Variants in MLIP observed in about 807,000 individuals in gnomAD.
The protein encoded by MLIP is muscular LMNA interacting protein.
Under a neutral mutation model 84.8 loss-of-function variants are expected in MLIP, and 79 were observed. The ratio of observed to expected loss-of-function variants is 0.93; its 90% CI spans 0.78 to 1.12. The LOEUF (loss-of-function observed/expected upper bound fraction) is 1.12, where lower values mean the gene tolerates loss of function less well. MLIP is among the 50% of genes most tolerant of loss of function. The pLI is 0.00. For missense variants in MLIP, 1,257 were observed against 1,160.6 expected (o/e 1.08, Z -1.21); for synonymous variants, 504 against 463.0 (o/e 1.09, Z -1.14).
At chr6:54,058,886 A>G (rs1206018943) in intron 1 of MLIP, 1 of 152,196 alleles carries the variant, frequency 6.6e-6, no homozygotes, top group Admixed American at 6.5e-5. Context: ...AAGGAGGAAA[A>G]GAAGGTAAGA....
chr6:54,140,331 A>G (rs1404177064), intron 4 of MLIP, among the ~76,000 whole-genome samples: 1 of 152,196 alleles, frequency 6.6e-6, no homozygotes, highest in Non-Finnish European at 1.5e-5. Context: ...TTAAAGGCAT[A>G]TTTATTGAAG....
chr6:54,103,524 C>T (rs1768798882), intron 1 of MLIP, among the ~76,000 whole-genome samples: 2 of 152,178 alleles, frequency 1.3e-5, no homozygotes, highest in South Asian at 2.1e-4. Context: ...GATACCACAT[C>T]GGTGCTCTCT....
intron 11 of MLIP, among the ~76,000 whole-genome samples, chr6:54,222,637 T>C (rs1236209521): frequency 6.6e-6 from 1 of 152,058 alleles, no homozygotes; most frequent in Non-Finnish European, 1.5e-5. Context: ...TCAATACACA[T>C]CTAGTTTATT....
intron 5 of MLIP, among the ~76,000 whole-genome samples, chr6:54,151,092 T>C (rs1225404253): frequency 1.3e-5 from 2 of 152,130 alleles, no homozygotes; most frequent in Non-Finnish European, 2.9e-5. Flanking sequence ...TGTAGGTTGT[T>C]GTCTCTTGGC....
intron 3 of MLIP, among the ~76,000 whole-genome samples, chr6:54,132,331 T>A (rs1771449604): frequency 6.6e-6 from 1 of 152,138 alleles, no homozygotes; most frequent in Admixed American, 6.6e-5. Context: ...TTAAAAAGGA[T>A]AAGTACATAG....
chr6:54,058,194 G>T (rs371013729), intron 1 of MLIP, among the ~76,000 whole-genome samples: 3,839 of 152,196 alleles, frequency 0.025, 75 homozygotes, highest in Middle Eastern at 0.088. Context: ...GAATGGAAAT[G>T]CTGTGTTTAT....
At chr6:54,217,944 G>T (rs1349516329) in intron 11 of MLIP, 13 of 985,322 alleles carry the variant, frequency 1.3e-5, no homozygotes, top group Non-Finnish European at 1.6e-5. Flanking sequence ...ATTCGCTGGG[G>T]TGGAAGTAGG....
intron 10 of MLIP, among the ~76,000 whole-genome samples, chr6:54,199,291 C>T (rs898626179): frequency 2.6e-5 from 4 of 152,074 alleles, no homozygotes; most frequent in African/African-American, 9.7e-5. Context: ...GATGATCACA[C>T]CAAACATGGA....
chr6:54,048,620 G>A (rs1765205526), intron 1 of MLIP, among the ~76,000 whole-genome samples: 2 of 152,146 alleles, frequency 1.3e-5, no homozygotes, highest in Non-Finnish European at 2.9e-5. Flanking sequence ...TATTGGGGAG[G>A]AGCTAAAACG....
At chr6:54,176,958 T>G (rs1776349905) in intron 9 of MLIP, among the ~76,000 whole-genome samples, 1 of 152,026 alleles carries the variant, frequency 6.6e-6, no homozygotes, top group South Asian at 2.1e-4. Context: ...GGGAAAATAT[T>G]CCCTATTTAA....
intron 1 of MLIP, among the ~76,000 whole-genome samples, chr6:54,027,313 A>AT (rs1450868986): frequency 6.6e-6 from 1 of 151,864 alleles, no homozygotes; most frequent in African/African-American, 2.4e-5. Context: ...AAAGCATTAT[A>AT]TTTTCTCACA....
chr6:54,237,503 A>G (rs1781445011), intron 12 of MLIP, among the ~76,000 whole-genome samples: 1 of 152,006 alleles, frequency 6.6e-6, no homozygotes, highest in Admixed American at 6.6e-5. Context: ...ATATTCATGA[A>G]ATTTTATGTT....
rs531658532 is a variant in MLIP, at chr6:54,134,461, TA to T, written c.646-2249del. Reference sequence around the variant, plus strand: ...TTATTAATATATTAAGAAAATATAATAAAAATTATGTGCAGATTAATATAAA... The same window carrying T: ...TTATTAATATATTAAGAAAATATAATAAAATTATGTGCAGATTAATATAAA... On this transcript the variant is annotated intron_variant, in intron 3 of 13. Coordinates refer to ENST00000502396, the MANE Select transcript of MLIP (RefSeq NM_001281747.2). Among the ~76,000 whole-genome samples the T allele has an allele frequency of 1.0e-3, 152 of 152,010 alleles. 1 individual carries two copies. The East Asian group carries it at 0.026, about 26-fold the overall frequency.
rs187713495 is a variant in MLIP, at chr6:54,081,477, C to T, written c.64-39970C>T. 2.8e-4 allele frequency among the ~76,000 whole-genome samples: 42 copies of T among 152,146 alleles called. No homozygotes were observed. In the Middle Eastern group the frequency reaches 0.014, roughly 49 times the overall value. On this transcript the variant is annotated intron_variant, in intron 1 of 12. Transcript: ENST00000274897. ...GGCTGGAGTGCAATGGCGCGATCTC[C>T]GCTCACTGCAACCTCCGCCTCCCAG... is the stretch of plus-strand genomic sequence containing the variant.
intron 1 of MLIP, among the ~76,000 whole-genome samples, chr6:54,092,981 A>T (rs1483655514): frequency 6.6e-6 from 1 of 152,092 alleles, no homozygotes; most frequent in Admixed American, 6.5e-5. Flanking sequence ...GGTTCAAGCA[A>T]TTCTCCTGCC....
At chr6:54,235,400 A>G (rs1223368444) in intron 12 of MLIP, among the ~76,000 whole-genome samples, 2 of 152,118 alleles carry the variant, frequency 1.3e-5, no homozygotes, top group Non-Finnish European at 2.9e-5. Context: ...CTCTTTTGTG[A>G]CATTTCTCCA....
At chr6:54,252,041 A>G (rs1417493499) in intron 12 of MLIP, among the ~76,000 whole-genome samples, 1 of 93,014 alleles carries the variant, frequency 1.1e-5, no homozygotes, top group Non-Finnish European at 1.8e-5. Context: ...TATAACATAT[A>G]ATATATAATA....
chr6:54,056,166 T>G (rs1391703282), intron 1 of MLIP, among the ~76,000 whole-genome samples: 1 of 152,168 alleles, frequency 6.6e-6, no homozygotes, highest in African/African-American at 2.4e-5. Flanking sequence ...TTTGTTTACG[T>G]GAATTATTTG....
intron 11 of MLIP, among the ~76,000 whole-genome samples, chr6:54,229,555 T>C (rs974859034): frequency 6.6e-6 from 1 of 152,106 alleles, no homozygotes; most frequent in African/African-American, 2.4e-5. Context: ...TATGTGTTGT[T>C]CCCCCACCAT....
Sources: gnomAD v4.1 joint callset for allele counts (sites outside exome capture counted in the v4.1 genomes callset) on GRCh38, gnomAD v4.1.1 for gene constraint, MANE v1.5 for transcripts, NCBI Gene and HGNC (gene_info 2026-07-23, HGNC 2026-07-21) for gene names.